NID1: variants seen among roughly 807,000 people sequenced by gnomAD.
NID1 encodes nidogen-1.
In NID1, 76 loss-of-function variants were observed where a neutral mutation model predicts 130.6. The ratio of observed to expected loss-of-function variants is 0.58; its 90% CI spans 0.48 to 0.70. NID1 has a LOEUF of 0.70. Among genes scored for constraint, NID1 ranks in the 30% least tolerant of loss-of-function variants. NID1 has a pLI of 0.00. For missense variants in NID1, 1,517 were observed against 1,664.8 expected, an observed-to-expected ratio of 0.91 and a Z score of 1.54; for synonymous variants, 665 against 675.1, an observed-to-expected ratio of 0.98 and a Z score of 0.23.
chr1:235,985,716 A>G (rs550749162), intron 14 of NID1, among the ~76,000 whole-genome samples: 1 of 151,400 alleles, frequency 6.6e-6, no homozygotes, highest in South Asian at 2.1e-4. Flanking sequence ...ATCTATATGT[A>G]TAGGAATTTG....
chr1:236,064,705 A>G, intron 1 of NID1, 150 bp downstream of exon 1: 1 of 699,836 alleles, frequency 1.4e-6, no homozygotes, highest in East Asian at 3.4e-5. Flanking sequence ...CGGACCCTGC[A>G]GAGGCGGGAG....
At chr1:236,064,824 C>T (rs1328156456) in intron 1 of NID1, 31 bp downstream of exon 1, 1 of 1,587,798 alleles carries the variant, frequency 6.3e-7, no homozygotes. Flanking sequence ...CGCCCTGCAG[C>T]CCCTCGCCCG....
intron 14 of NID1, among the ~76,000 whole-genome samples, chr1:235,987,213 A>G (rs537931068): frequency 6.6e-6 from 1 of 152,238 alleles, no homozygotes; most frequent in Non-Finnish European, 1.5e-5. Context: ...TTAGGTGCTC[A>G]TTATGTATGA....
At chr1:236,064,521 C>A in intron 1 of NID1, 2 of 278,248 alleles carry the variant, frequency 7.2e-6, no homozygotes, top group South Asian at 8.7e-5. Flanking sequence ...CCCGAAGGGA[C>A]TGGACAGCCG....
At chr1:236,017,400 T>C (rs77515634) in intron 9 of NID1, 127 bp from the exon 10 acceptor site, 59 of 1,031,076 alleles carry the variant, frequency 5.7e-5, no homozygotes, top group Admixed American at 5.8e-5. Flanking sequence ...TTTTTTTTTT[T>C]CCGAGATGGA....
chr1:235,983,034 C>T (rs1292509769), intron 15 of NID1, among the ~76,000 whole-genome samples: 2 of 152,110 alleles, frequency 1.3e-5, no homozygotes, highest in African/African-American at 4.8e-5. Context: ...GCCACCATGC[C>T]CGGCTAATTT....
At chr1:236,024,330 G>A in intron 8 of NID1, 117 bp from the exon 9 acceptor site, 2 of 1,242,032 alleles carry the variant, frequency 1.6e-6, no homozygotes, top group Non-Finnish European at 1.1e-6. Context: ...GAAGAGCAGA[G>A]TGGAATGGGA....
chr1:236,008,787 C>A (rs531253325), intron 12 of NID1, among the ~76,000 whole-genome samples: 22 of 152,132 alleles, frequency 1.4e-4, no homozygotes, highest in African/African-American at 5.1e-4. Flanking sequence ...CTGCTTCAGG[C>A]TCCCAAGTAG....
intron 5 of NID1, among the ~76,000 whole-genome samples, chr1:236,035,931 T>C (rs929370031): frequency 2.0e-5 from 3 of 152,122 alleles, no homozygotes; most frequent in Non-Finnish European, 4.4e-5. Flanking sequence ...CACCAAACTT[T>C]GAGCTAGAAA....
intron 12 of NID1, among the ~76,000 whole-genome samples, chr1:236,001,240 G>T (rs919033585): frequency 6.6e-6 from 1 of 151,998 alleles, no homozygotes; most frequent in Non-Finnish European, 1.5e-5. Context: ...CAAGTAGCTG[G>T]GATTACAGGC....
chr1:235,986,682 G>A (rs772632272), intron 14 of NID1, among the ~76,000 whole-genome samples: 35 of 152,070 alleles, frequency 2.3e-4, no homozygotes, highest in Admixed American at 1.8e-3. Flanking sequence ...GGCTGGTCTC[G>A]AACTCCTGAG....
intron 19 of NID1, among the ~76,000 whole-genome samples, chr1:235,978,396 G>C (rs1008789589): frequency 6.6e-6 from 1 of 152,200 alleles, no homozygotes; most frequent in African/African-American, 2.4e-5. Flanking sequence ...TGAGGGGAGA[G>C]GCCTTCAAGA....
intron 1 of NID1, among the ~76,000 whole-genome samples, chr1:236,061,672 GC>G (rs1347732842): frequency 6.6e-6 from 1 of 151,874 alleles, no homozygotes; most frequent in Non-Finnish European, 1.5e-5. Flanking sequence ...CACCATGTTG[GC>G]CAGGCTGGTC....
chr1:236,049,657 G>A (rs961211559), intron 1 of NID1, among the ~76,000 whole-genome samples: 2 of 152,242 alleles, frequency 1.3e-5, no homozygotes, highest in East Asian at 3.9e-4. Flanking sequence ...AAAGTTTAAT[G>A]TGTCAGGATA....
chr1:235,988,656 C>T (rs919140513), intron 14 of NID1, among the ~76,000 whole-genome samples: 4 of 152,088 alleles, frequency 2.6e-5, no homozygotes, highest in African/African-American at 7.2e-5. Context: ...ACACAAAATA[C>T]GGCAGATCCG....
chr1:236,000,573 A>G (rs1282593598), intron 12 of NID1, among the ~76,000 whole-genome samples: 2 of 152,098 alleles, frequency 1.3e-5, no homozygotes, highest in Non-Finnish European at 2.9e-5. Context: ...GATCTATAAA[A>G]CCAAGCTGTA....
intron 12 of NID1, among the ~76,000 whole-genome samples, chr1:235,995,162 G>A (rs1464253841): frequency 6.6e-6 from 1 of 152,162 alleles, no homozygotes; most frequent in Non-Finnish European, 1.5e-5. Flanking sequence ...AAATAAAAAG[G>A]ATAGTTGTGT....
In NID1 at chr1:236,049,033, C is replaced by A. The variant is rs1256493007; in HGVS notation, c.226-44G>T. ...GGTTAAAAGGAATGCAGAAACGGGT[C>A]CTTTCTCAGTAAGACTGAGCACCCA... On this transcript the variant is annotated intron_variant, in intron 1 of 19. Coordinates refer to ENST00000264187, the MANE Select transcript of NID1 (RefSeq NM_002508.3). 4 of 1,596,190 alleles carry A rather than the reference C, an allele frequency of 2.5e-6. No individual in the cohort carries two copies. In the African/African-American group the frequency reaches 5.4e-5, roughly 22 times the overall value.
intron 3 of NID1, among the ~76,000 whole-genome samples, chr1:236,044,119 G>A (rs978913996): frequency 2.6e-5 from 4 of 152,130 alleles, no homozygotes; most frequent in African/African-American, 9.7e-5. Flanking sequence ...GGGGTGGGGT[G>A]GGGATGATAA....
Sources: gnomAD v4.1 joint callset for allele counts (sites outside exome capture counted in the v4.1 genomes callset) on GRCh38, gnomAD v4.1.1 for gene constraint, MANE v1.5 for transcripts, NCBI Gene and HGNC (gene_info 2026-07-23, HGNC 2026-07-21) for gene names.